Variants in CACNA2D3 observed in about 807,000 individuals in gnomAD.
CACNA2D3 encodes calcium voltage-gated channel auxiliary subunit alpha2delta 3, also known as voltage-dependent calcium channel subunit alpha-2/delta-3.
Under a neutral mutation model 160.6 loss-of-function variants are expected in CACNA2D3, and 60 were observed. The observed-to-expected ratio is 0.37, with a 90% CI of 0.30 to 0.46. The LOEUF (loss-of-function observed/expected upper bound fraction) is 0.46, where lower values mean the gene tolerates loss of function less well. Ranked by LOEUF, CACNA2D3 falls within the 20% of genes least tolerant of loss-of-function variation. The pLI is 1.00. For missense variants in CACNA2D3, 1,205 were observed against 1,365.0 expected, an observed-to-expected ratio of 0.88 and a Z score of 1.85; for synonymous variants, 558 against 492.9, an observed-to-expected ratio of 1.13 and a Z score of -1.75.
intron 9 of CACNA2D3, among the ~76,000 whole-genome samples, chr3:54,625,259 G>C (rs1352274861): frequency 6.6e-6 from 1 of 152,178 alleles, no homozygotes; most frequent in Non-Finnish European, 1.5e-5. Context: ...CCCATGGCAA[G>C]TGCCTGGCAT....
intron 4 of CACNA2D3, among the ~76,000 whole-genome samples, chr3:54,423,952 C>T (rs1244747048): frequency 1.3e-5 from 2 of 149,874 alleles, no homozygotes; most frequent in African/African-American, 2.5e-5. Context: ...AGTGCAGTGG[C>T]GTGATCACGG....
At chr3:54,959,711 G>A (rs1302414075) in intron 27 of CACNA2D3, among the ~76,000 whole-genome samples, 2 of 152,126 alleles carry the variant, frequency 1.3e-5, no homozygotes, top group Non-Finnish European at 2.9e-5. Context: ...AGGCTTAAAT[G>A]TTTTCTTCTG....
chr3:54,473,278 G>A (rs764734903), intron 4 of CACNA2D3, among the ~76,000 whole-genome samples: 1 of 152,120 alleles, frequency 6.6e-6, no homozygotes, highest in Non-Finnish European at 1.5e-5. Flanking sequence ...AATAAGCAAT[G>A]GGGAAAGGAT....
chr3:54,848,846 C>T (rs947005805), intron 17 of CACNA2D3, among the ~76,000 whole-genome samples: 12 of 152,168 alleles, frequency 7.9e-5, no homozygotes, highest in African/African-American at 1.9e-4. Flanking sequence ...GTGCATAGAT[C>T]GTAGCTTGTT....
chr3:54,157,842 A>C (rs1455152230), intron 2 of CACNA2D3, among the ~76,000 whole-genome samples: 3 of 151,802 alleles, frequency 2.0e-5, no homozygotes, highest in Admixed American at 1.3e-4. Context: ...AAACAAAAAA[A>C]AAAAAAAAAA....
At chr3:54,564,127 C>T (rs1702370588) in intron 6 of CACNA2D3, among the ~76,000 whole-genome samples, 1 of 152,196 alleles carries the variant, frequency 6.6e-6, no homozygotes, top group South Asian at 2.1e-4. Flanking sequence ...GGGAGAGGTT[C>T]CTCTGCTTGG....
At chr3:54,324,619 C>T (rs939935315) in intron 3 of CACNA2D3, among the ~76,000 whole-genome samples, 2 of 152,032 alleles carry the variant, frequency 1.3e-5, no homozygotes, top group African/African-American at 2.4e-5. Flanking sequence ...TGGCCATGCT[C>T]CTGCTTGCTT....
At chr3:54,410,362 GA>G (rs201002145) in intron 4 of CACNA2D3, among the ~76,000 whole-genome samples, 8 of 146,642 alleles carry the variant, frequency 5.5e-5, no homozygotes, top group Non-Finnish European at 9.1e-5. Context: ...CCAGGAAAAA[GA>G]AAAAAAAAAG....
intron 3 of CACNA2D3, among the ~76,000 whole-genome samples, chr3:54,374,601 C>T (rs1418799593): frequency 6.6e-6 from 1 of 152,198 alleles, no homozygotes; most frequent in Non-Finnish European, 1.5e-5. Flanking sequence ...TTCTTTCGTT[C>T]AGTGTTCCTC....
At chr3:54,846,147 G>A (rs1211528374) in intron 16 of CACNA2D3, among the ~76,000 whole-genome samples, 3 of 152,192 alleles carry the variant, frequency 2.0e-5, no homozygotes, top group African/African-American at 4.8e-5. Context: ...TAAAGCCCTT[G>A]GATGCCAATG....
chr3:54,541,302 GA>G (rs1701975228), intron 5 of CACNA2D3, among the ~76,000 whole-genome samples: 1 of 82,526 alleles, frequency 1.2e-5, no homozygotes, highest in East Asian at 3.3e-4. Context: ...AAAAAAAAAA[GA>G]AAAGAAAAGA....
intron 35 of CACNA2D3, among the ~76,000 whole-genome samples, chr3:55,051,421 G>C (rs544709755): frequency 2.0e-5 from 3 of 152,108 alleles, no homozygotes; most frequent in African/African-American, 4.8e-5. Context: ...CTGCCCGGGC[G>C]TCAGGGGTCA....
At chr3:55,001,901 A>G (rs578154442) in intron 31 of CACNA2D3, among the ~76,000 whole-genome samples, 9 of 152,296 alleles carry the variant, frequency 5.9e-5, no homozygotes, top group Middle Eastern at 3.4e-3. Flanking sequence ...GCTCACGCCC[A>G]TAATCCCAGC....
intron 4 of CACNA2D3, among the ~76,000 whole-genome samples, chr3:54,427,752 A>G (rs1699930082): frequency 6.6e-6 from 1 of 152,212 alleles, no homozygotes; most frequent in Non-Finnish European, 1.5e-5. Context: ...CAGGATTCAC[A>G]GGTTAATAAC....
chr3:54,830,711 G>T lies in CACNA2D3; in HGVS notation c.1399-6448G>T, dbSNP rs1882316. 5.3e-3 allele frequency among the ~76,000 whole-genome samples: 807 copies of T among 151,888 alleles called. 9 individuals carry two copies. The highest frequency in any genetic ancestry group is 0.017 in the African/African-American group (718 of 41,438). Reference sequence around the variant, plus strand: ...CTCAGGTGATCCGCCCTCCCAAAGTGCTGGGATTTGGCCACTTGGCCTCCC... The same window carrying T: ...CTCAGGTGATCCGCCCTCCCAAAGTTCTGGGATTTGGCCACTTGGCCTCCC... On this transcript the variant is annotated intron_variant, in intron 14 of 37. Transcript: ENST00000474759.
At chr3:54,800,000 A>G (rs1462469233) in intron 13 of CACNA2D3, among the ~76,000 whole-genome samples, 1 of 152,346 alleles carries the variant, frequency 6.6e-6, no homozygotes, top group Non-Finnish European at 1.5e-5. Context: ...GAATTACATG[A>G]CATGCATAAA....
At position 54,631,210 on chromosome 3, in the gene CACNA2D3, ACAC is replaced by A. The variant is rs1699231135; in HGVS notation, c.1053+3335_1053+3337del. 4.6e-5 allele frequency among the ~76,000 whole-genome samples: 7 copies of A among 150,632 alleles called. No homozygotes were observed. The South Asian group carries it at 1.5e-3, about 32-fold the overall frequency. Reference sequence around the variant, plus strand: ...CAGAGCGAGACTCCATCAAACACACACACACACACACACACACACACACACAAA... The same window carrying A: ...CAGAGCGAGACTCCATCAAACACACAACACACACACACACACACACACAAA... On this transcript the variant is annotated intron_variant, in intron 10 of 37. Coordinates refer to ENST00000474759, the MANE Select transcript of CACNA2D3 (RefSeq NM_018398.3).
intron 29 of CACNA2D3, among the ~76,000 whole-genome samples, chr3:54,983,533 C>G (rs1038991082): frequency 6.6e-5 from 10 of 152,168 alleles, no homozygotes; most frequent in African/African-American, 9.7e-5. Flanking sequence ...TTTGTATAAC[C>G]AGGAGAAGCT....
intron 2 of CACNA2D3, among the ~76,000 whole-genome samples, chr3:54,150,353 A>G (rs1165319253): frequency 6.6e-6 from 1 of 152,214 alleles, no homozygotes; most frequent in Non-Finnish European, 1.5e-5. Flanking sequence ...TGAAAATGAA[A>G]GGCACAATGG....
Sources: allele counts gnomAD v4.1 joint callset (sites outside exome capture counted in the v4.1 genomes callset), GRCh38; gene constraint gnomAD v4.1.1; transcripts MANE v1.5; gene names NCBI Gene and HGNC (gene_info 2026-07-23, HGNC 2026-07-21).